The following IFFO2 variants were observed in gnomAD, a reference collection of about 807,000 sequenced individuals.
IFFO2 encodes the protein intermediate filament family orphan 2.
IFFO2 carries 19 observed loss-of-function variants against 53.5 expected under a neutral mutation model. That is an observed-to-expected ratio of 0.36 (90% CI 0.25 to 0.52). The LOEUF is 0.52. IFFO2 is among the 20% of genes least tolerant of loss of function. The pLI is 0.94. For synonymous variants in IFFO2, 303 were observed against 313.6 expected (o/e 0.97, Z 0.36); for missense variants, 570 against 727.4 (o/e 0.78, Z 2.49).
At chr1:18,925,808 T>G (rs377008692) in intron 1 of IFFO2, among the ~76,000 whole-genome samples, 1 of 49,684 alleles carries the variant, frequency 2.0e-5, no homozygotes, top group Non-Finnish European at 3.9e-5. Flanking sequence ...GATGGATTGG[T>G]TGGATGGATG....
rs769142147 is a variant in IFFO2 at position 18,911,435 on chromosome 1, G to C, written c.1266C>G (p.Ser422=). 6.6e-7 allele frequency: 1 copy of C among 1,520,800 alleles called. No homozygotes were observed. 94.2% of individuals were successfully genotyped at this position (1,520,800 alleles called of 1,614,324 possible). ...ACTCCTTGTCTCTCGTCTTGAAGAA[G>C]GATTCGGTCTCATGGATCAAGTTGC... ...NLGNLIHETE[S]FFKTRDKEYQ... Residue 422 remains serine (S), a synonymous_variant, in exon 7 of 9, where the codon TCC becomes TCG. Transcript: ENST00000455833.
chr1:18,947,727 C>T lies in IFFO2; in HGVS notation c.665+7941G>A, dbSNP rs1257407276. Among the ~76,000 whole-genome samples, 4 of 152,366 alleles carry T rather than the reference C, an allele frequency of 2.6e-5. No individual in the cohort carries two copies. Among genetic ancestry groups the T allele is most frequent in the South Asian group, 2.1e-4 (1 of 4,824 alleles). Reference sequence around the variant, plus strand: ...CCTGGACAGGCCTGCTACAGTGGCCCGGGAGCCTCATCTGCCTGCTACTGC... The same window carrying T: ...CCTGGACAGGCCTGCTACAGTGGCCTGGGAGCCTCATCTGCCTGCTACTGC... On this transcript the variant is annotated intron_variant, in intron 1 of 8. Coordinates refer to ENST00000455833, the MANE Select transcript of IFFO2 (RefSeq NM_001136265.2). This position sits in a 1 kb window ranked among gnomAD's most constrained non-coding sequence, Gnocchi z 5.0.
Position 18,940,129 on chromosome 1 carries a change from G to C in IFFO2, c.665+15539C>G, listed in dbSNP as rs545804770. 9.2e-5 allele frequency among the ~76,000 whole-genome samples: 14 copies of C among 152,320 alleles called. No individual in the cohort carries two copies. The South Asian group carries it at 2.7e-3, about 29-fold the overall frequency. ...GGCCCCAGTCTGGGGCCTGCATGCT[G>C]GTTCAGTAGACACCTCTAGAAGTCT... On this transcript the variant is annotated intron_variant, in intron 1 of 8. Coordinates refer to ENST00000455833, the MANE Select transcript of IFFO2 (RefSeq NM_001136265.2).
chr1:18,927,107 G>A lies in IFFO2; in HGVS notation c.666-5986C>T, dbSNP rs151271424. Among the ~76,000 whole-genome samples the A allele has an allele frequency of 4.6e-5, 7 of 152,272 alleles. No individual in the cohort carries two copies. The East Asian group carries it at 9.7e-4, about 21-fold the overall frequency. On this transcript the variant is annotated intron_variant, in intron 1 of 8. Transcript: ENST00000455833. The stretch of plus-strand genomic sequence containing the variant: ...GTTGGGAAACCAGCCACCCCCTTTC[G>A]AAGGTGGCTGTGAGAACTACAGGAA...
intron 7 of IFFO2, among the ~76,000 whole-genome samples, chr1:18,910,926 C>T (rs917665588): frequency 2.6e-5 from 4 of 152,250 alleles, no homozygotes; most frequent in African/African-American, 7.2e-5. Flanking sequence ...CATGCACAGC[C>T]TCTGGAGCCA....
rs1338211685 is a variant in IFFO2 at position 18,956,050 on chromosome 1, G to A, written c.283C>T (p.Arg95Trp). The A allele has an allele frequency of 6.1e-6, 9 of 1,471,952 alleles. No individual in the cohort carries two copies. Among genetic ancestry groups the A allele is most frequent in the Non-Finnish European group, 8.2e-6 (9 of 1,098,332 alleles). The allele number at this position is 1,471,952 out of a possible 1,614,324, so 91.2% of individuals were successfully genotyped here. A position where few individuals can be genotyped will look rare whatever the true frequency, so the allele number is the denominator to read the frequency against. Residue 95 changes from arginine to tryptophan, a missense_variant, in exon 1 of 9, where the codon CGG becomes TGG. By Grantham distance (101) the Arg-to-Trp change is moderately radical. Transcript: ENST00000455833. This position sits in a 1 kb window ranked among gnomAD's most constrained non-coding sequence, Gnocchi z 6.4. ...LEQQQSERER[R>W]LRYKTFSREQ... ...CGGGAGAAGGTCTTGTAGCGCAGCC[G>A]CCGCTCGCGCTCGCTCTGCTGCTGC...
intron 1 of IFFO2, among the ~76,000 whole-genome samples, chr1:18,929,661 G>GCCA (rs772718818): frequency 0.86 from 130,477 of 151,790 alleles, 56,320 homozygotes; most frequent in African/African-American, 0.92. Flanking sequence ...GTGGTGACTT[G>GCCA]AGAGGTGAGA....
chr1:18,913,473 G>A (rs536900799), intron 5 of IFFO2, among the ~76,000 whole-genome samples: 1 of 152,258 alleles, frequency 6.6e-6, no homozygotes, highest in Non-Finnish European at 1.5e-5. Context: ...CAAGAGAAGG[G>A]ACTCGGAAGA....
At chr1:18,912,743 T>A (rs28419366) in intron 5 of IFFO2, among the ~76,000 whole-genome samples, 16,065 of 152,126 alleles carry the variant, frequency 0.11, 919 homozygotes, top group Non-Finnish European at 0.11. Context: ...ATCGTTCCCA[T>A]TTTGCAGGTG....
At chr1:18,939,443 C>A (rs1242379452) in intron 1 of IFFO2, among the ~76,000 whole-genome samples, 1 of 152,226 alleles carries the variant, frequency 6.6e-6, no homozygotes, top group African/African-American at 2.4e-5. Context: ...GTTGCTCAAC[C>A]TCTCTGGGCC....
Position 18,928,522 on chromosome 1 carries a change from G to C in IFFO2, c.666-7401C>G, listed in dbSNP as rs1936333048. On this transcript the variant is annotated intron_variant, in intron 1 of 8. Transcript: ENST00000455833. The surrounding 1 kb of genome is among the most constrained non-coding windows in gnomAD (Gnocchi z 4.9). ...AAGCCACTAATCAAGTGTGCCCCCA[G>C]AACACTGCCACCCACACAGACACAC... 6.6e-6 allele frequency among the ~76,000 whole-genome samples: 1 copy of C among 152,176 alleles called. No individual in the cohort carries two copies. The highest frequency in any genetic ancestry group is 2.4e-5 in the African/African-American group (1 of 41,448).
At chr1:18,909,448 T>C (rs1213218067) in intron 8 of IFFO2, among the ~76,000 whole-genome samples, 1 of 151,968 alleles carries the variant, frequency 6.6e-6, no homozygotes, top group East Asian at 1.9e-4. Flanking sequence ...GATGCTATGG[T>C]TTGGCTGTGT....
intron 1 of IFFO2, among the ~76,000 whole-genome samples, chr1:18,935,515 C>T (rs1246644456): frequency 2.6e-5 from 4 of 152,060 alleles, no homozygotes; most frequent in Admixed American, 6.5e-5. Context: ...CTCTCTCTCC[C>T]TTACCTAATG....
intron 1 of IFFO2, among the ~76,000 whole-genome samples, chr1:18,924,106 C>T (rs976953452): frequency 7.2e-5 from 11 of 152,220 alleles, no homozygotes; most frequent in Admixed American, 1.3e-4. Flanking sequence ...GCCTGTCGCC[C>T]GCCCTGACAT....
rs552142753 is a variant in IFFO2 at position 18,923,094 on chromosome 1, A to G, written c.666-1973T>C. Among the ~76,000 whole-genome samples the G allele has an allele frequency of 4.6e-5, 7 of 152,342 alleles. 1 individual carries two copies. The South Asian group carries it at 1.5e-3, about 32-fold the overall frequency. ...CAAAGCCGCTGAGCAGGGCAGGTGC[A>G]AGGGCGAGCCCCGGCAAGCCTCTGG... On this transcript the variant is annotated intron_variant, in intron 1 of 8. Coordinates refer to ENST00000455833, the MANE Select transcript of IFFO2 (RefSeq NM_001136265.2).
chr1:18,904,527 A>T lies in IFFO2; in HGVS notation c.*4034T>A, dbSNP rs1371525647. 5 of 152,216 alleles carry T rather than the reference A, an allele frequency of 3.3e-5. No homozygotes were observed. The highest frequency in any genetic ancestry group is 4.8e-5 in the African/African-American group (2 of 41,438). 9.4% of individuals were successfully genotyped at this position (152,216 alleles called of 1,614,324 possible). A position where few individuals can be genotyped will look rare whatever the true frequency, so the allele number is the denominator to read the frequency against. On this transcript the variant is annotated 3_prime_UTR_variant, in exon 9 of 9. Coordinates refer to ENST00000455833, the MANE Select transcript of IFFO2 (RefSeq NM_001136265.2). ...AAATCAGGTAGATGCAAAAACATCC[A>T]CAAGGGGTCTTGCAGGGAAGGGCTT... is the stretch of plus-strand genomic sequence containing the variant.
At chr1:18,951,552 G>T (rs1027354680) in intron 1 of IFFO2, among the ~76,000 whole-genome samples, 3 of 152,172 alleles carry the variant, frequency 2.0e-5, no homozygotes, top group African/African-American at 7.2e-5. Flanking sequence ...CAAAAGAGTC[G>T]CCCTGTCTGA....
intron 1 of IFFO2, among the ~76,000 whole-genome samples, chr1:18,955,280 G>A (rs1223008539): frequency 6.6e-6 from 1 of 152,142 alleles, no homozygotes; most frequent in Non-Finnish European, 1.5e-5. Context: ...TACTCGCCAA[G>A]CCACCTTAGG....
In IFFO2 at chr1:18,911,814, C is replaced by T. The variant is rs911020802; in HGVS notation, c.1224+149G>A. The T allele has an allele frequency of 3.0e-6, 3 of 1,011,822 alleles. No individual in the cohort carries two copies. In the Admixed American group the frequency reaches 7.9e-5, roughly 27 times the overall value. The allele number at this position is 1,011,822 out of a possible 1,614,324, so 62.7% of individuals were successfully genotyped here. A position where few individuals can be genotyped will look rare whatever the true frequency, so the allele number is the denominator to read the frequency against. ...TCGGCCTCCCAAAGTGCTGGGATTA[C>T]AGGCATGAGCCACTGCGCCTGGCCC... On this transcript the variant is annotated intron_variant, in intron 6 of 8. Coordinates refer to ENST00000455833, the MANE Select transcript of IFFO2 (RefSeq NM_001136265.2).
Sources: gnomAD v4.1 joint callset for allele counts (sites outside exome capture counted in the v4.1 genomes callset) on GRCh38, gnomAD v4.1.1 for gene constraint, Gnocchi (gnomAD v3.1) non-coding constraint, MANE v1.5 for transcripts, NCBI Gene and HGNC (gene_info 2026-07-23, HGNC 2026-07-21) for gene names.